Variants in SLC14A2 observed in about 807,000 individuals in gnomAD.
SLC14A2 encodes urea transporter 2.
Under a neutral mutation model 104.6 loss-of-function variants are expected in SLC14A2, and 91 were observed. That is an observed-to-expected ratio of 0.87 (90% CI 0.73 to 1.04). SLC14A2 has a LOEUF of 1.04. Ranked by LOEUF, SLC14A2 falls within the 50% of genes least tolerant of loss-of-function variation. SLC14A2 has a pLI of 0.00. For missense variants in SLC14A2, 1,189 were observed against 1,156.0 expected (o/e 1.03, Z -0.41); for synonymous variants, 476 against 466.4 (o/e 1.02, Z -0.27).
the SLC14A2 span, among the ~76,000 whole-genome samples, chr18:45,205,460 C>T: frequency 6.6e-6 from 1 of 152,082 alleles, no homozygotes; most frequent in Admixed American, 6.5e-5. Context: ...AAGGAGCAGA[C>T]AAAGCTGGAC....
chr18:45,516,846 G>A (rs759880022), intron 2 of SLC14A2, among the ~76,000 whole-genome samples: 27 of 152,170 alleles, frequency 1.8e-4, no homozygotes, highest in Non-Finnish European at 2.9e-4. Context: ...TAGTGTTGGG[G>A]GCACCAGGAG....
At chr18:45,487,357 G>C (rs986562702) in intron 2 of SLC14A2, among the ~76,000 whole-genome samples, 4 of 152,206 alleles carry the variant, frequency 2.6e-5, no homozygotes, top group African/African-American at 9.6e-5. Flanking sequence ...CCACCTGAAT[G>C]ATGCAGAATA....
At chr18:45,188,022 T>C in the SLC14A2 span, among the ~76,000 whole-genome samples, 1 of 152,068 alleles carries the variant, frequency 6.6e-6, no homozygotes, top group Non-Finnish European at 1.5e-5. Flanking sequence ...TAATAGAGGG[T>C]GTTACCTAAT....
At position 45,667,819 on chromosome 18, in the gene SLC14A2, C is replaced by G. The variant is rs9964193; in HGVS notation, c.1718-14C>G. On this transcript the variant is annotated splice_polypyrimidine_tract_variant and intron_variant, in intron 13 of 19. Coordinates refer to ENST00000255226, the MANE Select transcript of SLC14A2 (RefSeq NM_007163.4). ...CTGAGCACTTGCCTACTTCCTGCCC[C>G]GGTTCCATTTCAGACAAGTCCCCAG... 1 of 1,611,452 alleles carries G rather than the reference C, an allele frequency of 6.2e-7. No individual in the cohort carries two copies. Among genetic ancestry groups the G allele is most frequent in the South Asian group, 1.1e-5 (1 of 90,990 alleles).
chr18:45,182,457 G>A, the SLC14A2 span, among the ~76,000 whole-genome samples: 10 of 151,894 alleles, frequency 6.6e-5, no homozygotes, highest in Admixed American at 5.9e-4. Flanking sequence ...TTTGAAAAAT[G>A]TGTTATTTCA....
intron 1 of SLC14A2, among the ~76,000 whole-genome samples, chr18:45,461,431 G>A (rs2144641218): frequency 6.6e-6 from 1 of 152,314 alleles, no homozygotes; most frequent in Non-Finnish European, 1.5e-5. Flanking sequence ...GCAAAGGACA[G>A]CATCCTGACC....
At chr18:45,522,615 G>T (rs1240336570) in intron 2 of SLC14A2, among the ~76,000 whole-genome samples, 2 of 152,308 alleles carry the variant, frequency 1.3e-5, no homozygotes, top group East Asian at 3.9e-4. Flanking sequence ...CTCTAAAATA[G>T]ATGATGGTTT....
chr18:45,441,066 A>C (rs2086674863), intron 1 of SLC14A2, among the ~76,000 whole-genome samples: 1 of 152,204 alleles, frequency 6.6e-6, no homozygotes, highest in Non-Finnish European at 1.5e-5. Context: ...ATTTGAAACC[A>C]TCTGACTGCT....
Position 45,377,249 on chromosome 18 carries a change from A to AT in SLC14A2, c.-124-105971dup, listed in dbSNP as rs113391997. 7.8e-3 allele frequency among the ~76,000 whole-genome samples: 1,131 copies of AT among 144,616 alleles called. 15 individuals carry two copies. Among genetic ancestry groups the AT allele is most frequent in the African/African-American group, 0.021 (850 of 39,712 alleles). The allele number at this position is 144,616 out of a possible 152,430, so 94.9% of individuals were successfully genotyped here. On this transcript the variant is annotated intron_variant, in intron 1 of 20. Transcript: ENST00000586448. ...GGTTTCTGTGGTCTGCTCAGGGGTG[A>AT]TTTTTTTTTTTTTACTACCTTCTTC...
chr18:45,483,711 C>T (rs1359336347), intron 2 of SLC14A2, among the ~76,000 whole-genome samples: 3 of 152,164 alleles, frequency 2.0e-5, no homozygotes, highest in Non-Finnish European at 4.4e-5. Flanking sequence ...TTTCCTTCCT[C>T]ATGCCACCAG....
intron 2 of SLC14A2, among the ~76,000 whole-genome samples, chr18:45,547,569 C>T (rs576015853): frequency 6.6e-6 from 1 of 152,344 alleles, no homozygotes; most frequent in African/African-American, 2.4e-5. Flanking sequence ...AGCTTGGGAC[C>T]TGGGAACTGT....
chr18:45,297,456 T>C (rs1160021173), intron 1 of SLC14A2, among the ~76,000 whole-genome samples: 1 of 151,958 alleles, frequency 6.6e-6, no homozygotes, highest in Non-Finnish European at 1.5e-5. Flanking sequence ...CAGATGAGAG[T>C]GTTTGGCTGG....
intron 1 of SLC14A2, among the ~76,000 whole-genome samples, chr18:45,371,383 C>T (rs2085720710): frequency 6.6e-6 from 1 of 152,264 alleles, no homozygotes; most frequent in African/African-American, 2.4e-5. Context: ...TATCTAGCCC[C>T]ATACTATATT....
intron 10 of SLC14A2, among the ~76,000 whole-genome samples, chr18:45,656,721 G>A (rs1002549528): frequency 2.6e-5 from 4 of 152,114 alleles, no homozygotes; most frequent in Non-Finnish European, 4.4e-5. Context: ...TTATCATCAG[G>A]CATCATGAGG....
At chr18:45,337,556 A>G (rs1481164565) in intron 1 of SLC14A2, among the ~76,000 whole-genome samples, 5 of 152,204 alleles carry the variant, frequency 3.3e-5, no homozygotes, top group Admixed American at 1.3e-4. Context: ...AGAAACCTGA[A>G]AAACTGAATT....
intron 1 of SLC14A2, among the ~76,000 whole-genome samples, chr18:45,268,108 G>A (rs1241572044): frequency 6.6e-6 from 1 of 151,900 alleles, no homozygotes; most frequent in African/African-American, 2.4e-5. Flanking sequence ...CCTCTCCCTT[G>A]CAAAAAAATT....
chr18:45,675,272 A>G (rs1222825345), intron 18 of SLC14A2, among the ~76,000 whole-genome samples: 1 of 152,242 alleles, frequency 6.6e-6, no homozygotes. Context: ...GGTTTTCACC[A>G]AAATACTTTT....
intron 1 of SLC14A2, among the ~76,000 whole-genome samples, chr18:45,457,687 TAAA>T (rs3058359): frequency 1.9e-3 from 276 of 144,028 alleles, no homozygotes; most frequent in Middle Eastern, 3.6e-3. Flanking sequence ...TTATGGAGGT[TAAA>T]AAAAAAAAAA....
At chr18:45,289,174 T>C (rs1487938796) in intron 1 of SLC14A2, among the ~76,000 whole-genome samples, 1 of 152,208 alleles carries the variant, frequency 6.6e-6, no homozygotes, top group African/African-American at 2.4e-5. Context: ...GCTTTAATTA[T>C]TATATCCATG....
Sources: allele counts gnomAD v4.1 joint callset (sites outside exome capture counted in the v4.1 genomes callset), GRCh38; gene constraint gnomAD v4.1.1; transcripts MANE v1.5; gene names NCBI Gene and HGNC (gene_info 2026-07-23, HGNC 2026-07-21).